ITSN2: variants seen among roughly 807,000 people sequenced by gnomAD.
ITSN2 encodes intersectin-2.
In ITSN2, 156 loss-of-function variants were observed where a neutral mutation model predicts 243.7. The observed-to-expected ratio is 0.64, with a 90% CI of 0.56 to 0.73. The LOEUF is 0.73. Ranked by LOEUF, ITSN2 falls within the 30% of genes least tolerant of loss-of-function variation. ITSN2 has a pLI of 0.00. For missense variants in ITSN2, 1,801 were observed against 1,996.1 expected (o/e 0.90, Z 1.86); for synonymous variants, 703 against 699.9 (o/e 1.00, Z -0.07).
At chr2:24,273,504 T>C (rs1402111384) in intron 18 of ITSN2, 1 of 152,210 alleles carries the variant, frequency 6.6e-6, no homozygotes, top group East Asian at 1.9e-4. Flanking sequence ...TTAGCACATA[T>C]TTAGCACAAC....
At position 24,209,903 on chromosome 2, in the gene ITSN2, T is replaced by G; in HGVS notation, c.4388A>C (p.Tyr1463Ser). 1 of 1,614,162 alleles carries G rather than the reference T, an allele frequency of 6.2e-7. No homozygotes were observed. The highest frequency in any genetic ancestry group is 8.5e-7 in the Non-Finnish European group (1 of 1,180,012). Residue 1463 changes from tyrosine to serine, a missense_variant, in exon 35 of 40, where the codon TAC becomes TCC. Tyr to Ser is a moderately radical substitution (Grantham distance 144). Transcript: ENST00000355123. ...FLFNDFLLLT[Y>S]MVKQFAVSSG... Reference sequence around the variant, plus strand: ...GGAAACAGCAAACTGCTTGACCATGTAGGTAAGAAGCAGGAAGTCATTGAA... The same window carrying G: ...GGAAACAGCAAACTGCTTGACCATGGAGGTAAGAAGCAGGAAGTCATTGAA...
At chr2:24,231,191 T>C (rs1671555032) in intron 29 of ITSN2, among the ~76,000 whole-genome samples, 1 of 152,214 alleles carries the variant, frequency 6.6e-6, no homozygotes, top group Non-Finnish European at 1.5e-5. Context: ...CTGCTTCATT[T>C]TTCTAAGATG....
At chr2:24,253,356 A>G (rs1335661199) in intron 24 of ITSN2, among the ~76,000 whole-genome samples, 2 of 147,934 alleles carry the variant, frequency 1.4e-5, no homozygotes, top group Non-Finnish European at 3.0e-5. Context: ...GTACGCTGCA[A>G]TAAAAGTCGG....
At chr2:24,281,992 G>A (rs1374012554) in intron 17 of ITSN2, among the ~76,000 whole-genome samples, 1 of 152,196 alleles carries the variant, frequency 6.6e-6, no homozygotes, top group Non-Finnish European at 1.5e-5. Flanking sequence ...ATGGGAGTGG[G>A]CCAGGGAAGT....
chr2:24,258,601 G>A (rs968451196), intron 22 of ITSN2, among the ~76,000 whole-genome samples: 3 of 151,844 alleles, frequency 2.0e-5, no homozygotes, highest in Admixed American at 6.6e-5. Context: ...CCTTTAATAA[G>A]GCTAAACTCT....
intron 32 of ITSN2, among the ~76,000 whole-genome samples, chr2:24,214,122 T>C (rs1413913187): frequency 6.6e-6 from 1 of 152,252 alleles, no homozygotes; most frequent in African/African-American, 2.4e-5. Flanking sequence ...CTAAGCATAG[T>C]ATGCTATAGC....
intron 30 of ITSN2, 61 bp from the exon 31 acceptor site, chr2:24,218,074 T>C: frequency 9.4e-7 from 1 of 1,069,264 alleles, no homozygotes; most frequent in Admixed American, 1.8e-5. Context: ...CTACGTGTGG[T>C]CTAAATCAAA....
intron 29 of ITSN2, among the ~76,000 whole-genome samples, chr2:24,230,906 G>A (rs745590531): frequency 3.9e-5 from 6 of 151,946 alleles, no homozygotes; most frequent in African/African-American, 1.2e-4. Flanking sequence ...CCAGACCCTC[G>A]CTTCCTCCTT....
intron 2 of ITSN2, among the ~76,000 whole-genome samples, chr2:24,315,447 G>A (rs1318352174): frequency 3.9e-5 from 6 of 152,148 alleles, no homozygotes; most frequent in African/African-American, 1.4e-4. Context: ...CACACTCACT[G>A]GAAATGGGCA....
intron 17 of ITSN2, 38 bp downstream of exon 17, chr2:24,284,725 G>C: frequency 1.7e-6 from 2 of 1,205,326 alleles, no homozygotes; most frequent in Non-Finnish European, 2.4e-6. Flanking sequence ...AAACAGCAAA[G>C]TAACTCAAAG....
chr2:24,357,040 G>C (rs1329264459), intron 1 of ITSN2, among the ~76,000 whole-genome samples: 1 of 152,188 alleles, frequency 6.6e-6, no homozygotes, highest in Non-Finnish European at 1.5e-5. Flanking sequence ...AATGTAAATT[G>C]GTTCAACCAT....
chr2:24,297,187 TA>T (rs1468648068), intron 13 of ITSN2, among the ~76,000 whole-genome samples: 1 of 152,198 alleles, frequency 6.6e-6, no homozygotes, highest in Non-Finnish European at 1.5e-5. Context: ...TTGTGATGAT[TA>T]AAAAAATAAT....
At chr2:24,245,882 CAT>C (rs780423706) in intron 29 of ITSN2, among the ~76,000 whole-genome samples, 38 of 152,116 alleles carry the variant, frequency 2.5e-4, no homozygotes, top group Non-Finnish European at 4.3e-4. Flanking sequence ...CCAAAGAACT[CAT>C]AGGAAAAATT....
At chr2:24,338,273 T>A (rs1471742955) in intron 1 of ITSN2, among the ~76,000 whole-genome samples, 5 of 152,234 alleles carry the variant, frequency 3.3e-5, no homozygotes, top group Non-Finnish European at 7.3e-5. Flanking sequence ...CTCAAGCTAT[T>A]GTCAACCAGA....
At chr2:24,356,343 C>T (rs945330262) in intron 1 of ITSN2, among the ~76,000 whole-genome samples, 2 of 61,910 alleles carry the variant, frequency 3.2e-5, no homozygotes, top group African/African-American at 8.0e-5. Context: ...AAGACCCTGT[C>T]TCAAAAAAAA....
At chr2:24,245,463 G>A (rs1321082312) in intron 29 of ITSN2, among the ~76,000 whole-genome samples, 1 of 151,836 alleles carries the variant, frequency 6.6e-6, no homozygotes, top group Admixed American at 6.6e-5. Flanking sequence ...GGTGAATAGG[G>A]TAATTGCTGG....
rs545282558 is a variant in ITSN2 at position 24,300,777 on chromosome 2, T to C, written c.1081+377A>G. Among the ~76,000 whole-genome samples the C allele has an allele frequency of 1.8e-3, 275 of 152,344 alleles. 5 individuals carry two copies. Among genetic ancestry groups the C allele is most frequent in the Admixed American group, 0.017 (261 of 15,304 alleles). On this transcript the variant is annotated intron_variant, in intron 11 of 39. Coordinates refer to ENST00000355123, the MANE Select transcript of ITSN2 (RefSeq NM_006277.3). ...TCAAAGCTGTGTGGTTATACATTTG[T>C]TTTGATGTCATTAACATCCTAATAT...
At chr2:24,283,473 G>A (rs749214588) in intron 17 of ITSN2, among the ~76,000 whole-genome samples, 2 of 152,134 alleles carry the variant, frequency 1.3e-5, no homozygotes, top group African/African-American at 2.4e-5. Context: ...TGATCCGCCC[G>A]CCTCGGCCTC....
At chr2:24,294,339 T>C (rs898702065) in intron 14 of ITSN2, among the ~76,000 whole-genome samples, 1 of 152,148 alleles carries the variant, frequency 6.6e-6, no homozygotes, top group Non-Finnish European at 1.5e-5. Context: ...AGCAGGAGAA[T>C]TGCTTGAGCC....
Sources: allele counts gnomAD v4.1 joint callset (sites outside exome capture counted in the v4.1 genomes callset), GRCh38; gene constraint gnomAD v4.1.1; transcripts MANE v1.5; gene names NCBI Gene and HGNC (gene_info 2026-07-23, HGNC 2026-07-21).